The following CORO2A variants were observed in gnomAD, a reference collection of about 807,000 sequenced individuals.
CORO2A encodes the protein coronin 2A, also known as coronin-2A.
A neutral mutation model predicts 62.4 loss-of-function variants in CORO2A; 47 were observed. That is an observed-to-expected ratio of 0.75 (90% CI 0.60 to 0.96). The LOEUF (loss-of-function observed/expected upper bound fraction) is 0.96. CORO2A is among the 40% of genes least tolerant of loss of function. The pLI is 0.00. For missense variants in CORO2A, 610 were observed against 684.1 expected (o/e 0.89, Z 1.21); for synonymous variants, 273 against 268.9 (o/e 1.02, Z -0.15).
chr9:98,171,809 C>T (rs1828040196), intron 1 of CORO2A, among the ~76,000 whole-genome samples: 1 of 151,472 alleles, frequency 6.6e-6, no homozygotes, highest in Non-Finnish European at 1.5e-5. Flanking sequence ...ATGGGGCTGC[C>T]GCTGGGAGAG....
intron 1 of CORO2A, among the ~76,000 whole-genome samples, chr9:98,164,104 C>T (rs1041058086): frequency 1.3e-5 from 2 of 152,156 alleles, no homozygotes; most frequent in Non-Finnish European, 2.9e-5. Context: ...TGAGCTGCCA[C>T]CTGTAAGTGC....
At chr9:98,158,829 A>G (rs914971772) in intron 1 of CORO2A, among the ~76,000 whole-genome samples, 2 of 132,704 alleles carry the variant, frequency 1.5e-5, no homozygotes, top group African/African-American at 6.0e-5. Flanking sequence ...GAAATTAAAA[A>G]GAAGAAAACA....
At chr9:98,151,215 C>G (rs1402369068) in intron 2 of CORO2A, among the ~76,000 whole-genome samples, 1 of 152,128 alleles carries the variant, frequency 6.6e-6, no homozygotes, top group African/African-American at 2.4e-5. Context: ...ACAAAGGACT[C>G]TAATTCAAAG....
At chr9:98,173,627 A>T (rs1290099358) in intron 1 of CORO2A, among the ~76,000 whole-genome samples, 1 of 152,114 alleles carries the variant, frequency 6.6e-6, no homozygotes, top group Admixed American at 6.5e-5. Context: ...CCTCCTTCTC[A>T]TGGTGCTCCA....
At chr9:98,151,908 C>T (rs150771347) in intron 2 of CORO2A, among the ~76,000 whole-genome samples, 7 of 151,260 alleles carry the variant, frequency 4.6e-5, no homozygotes, top group African/African-American at 1.7e-4. Flanking sequence ...GCTCTGCCTC[C>T]CGGGTTCACG....
intron 1 of CORO2A, among the ~76,000 whole-genome samples, chr9:98,177,006 T>C (rs537451938): frequency 1.3e-5 from 2 of 152,268 alleles, no homozygotes; most frequent in East Asian, 3.9e-4. Context: ...TGGAAACTCG[T>C]TTGTGGAGGG....
In CORO2A at chr9:98,163,742, G is replaced by GTGT. The variant is rs60563416; in HGVS notation, c.1-6083_1-6082insACA. ...TGTGTGTGTGTGTATGTGTGTGTGT[G>GTGT]AGAGAGAGAGAGAGAGAGAGAGAGA... On this transcript the variant is annotated intron_variant, in intron 1 of 11. Transcript: ENST00000375077. 4.9e-3 allele frequency among the ~76,000 whole-genome samples: 414 copies of GTGT among 83,876 alleles called. 3 individuals carry two copies. The highest frequency in any genetic ancestry group is 0.014 in the African/African-American group (393 of 28,610). The allele number at this position is 83,876 out of a possible 152,430, so 55.0% of individuals were successfully genotyped here.
intron 7 of CORO2A, 27 bp downstream of exon 7, chr9:98,130,928 G>A: frequency 6.3e-7 from 1 of 1,591,106 alleles, no homozygotes; most frequent in South Asian, 1.1e-5. Flanking sequence ...GGTCCAGGAG[G>A]TCACCTCCCT....
At chr9:98,157,187 T>C (rs1490160410) in intron 2 of CORO2A, among the ~76,000 whole-genome samples, 1 of 152,162 alleles carries the variant, frequency 6.6e-6, no homozygotes, top group Non-Finnish European at 1.5e-5. Flanking sequence ...AAAAATTATA[T>C]TTTATTCAGG....
intron 10 of CORO2A, 182 bp from the exon 11 acceptor site, chr9:98,127,005 A>G: frequency 1.5e-6 from 1 of 657,602 alleles, no homozygotes; most frequent in Non-Finnish European, 2.6e-6. Flanking sequence ...AACAGATACA[A>G]ATACCCACGT....
At chr9:98,137,728 T>G (rs756377325) in intron 2 of CORO2A, 40 bp from the exon 3 acceptor site, 3 of 1,449,212 alleles carry the variant, frequency 2.1e-6, no homozygotes, top group Non-Finnish European at 1.9e-6. Flanking sequence ...AGGAGGTGGA[T>G]TCCACATTAG....
rs1386403720 is a variant in CORO2A at position 98,179,033 on chromosome 9, CGGTCCTTTTACTTTACT to C, written c.-1+13509_-1+13525del. On this transcript the variant is annotated intron_variant, in intron 1 of 11. Transcript: ENST00000375077. The stretch of plus-strand genomic sequence containing the variant: ...AAGTGGTCACAGTCTAGCTCTTTAC[CGGTCCTTTTACTTTACT>C]GGTCCTTTTACTTTACTGTGCCTCT... Among the ~76,000 whole-genome samples the C allele has an allele frequency of 8.5e-5, 13 of 152,182 alleles. No homozygotes were observed. The East Asian group carries it at 1.2e-3, about 14-fold the overall frequency.
chr9:98,157,261 A>C (rs1827817254), intron 2 of CORO2A, 199 bp downstream of exon 2: 2 of 554,642 alleles, frequency 3.6e-6, no homozygotes, highest in Non-Finnish European at 6.4e-6. Context: ...AGCTAAGCCA[A>C]CTGCTAGAGG....
intron 1 of CORO2A, among the ~76,000 whole-genome samples, chr9:98,164,960 T>G (rs1827939172): frequency 6.6e-6 from 1 of 151,654 alleles, no homozygotes. Flanking sequence ...ACCACCAGGG[T>G]CTAGGTGTAA....
At chr9:98,191,666 GTCT>G (rs1828307148) in intron 1 of CORO2A, among the ~76,000 whole-genome samples, 2 of 152,152 alleles carry the variant, frequency 1.3e-5, no homozygotes, top group Non-Finnish European at 2.9e-5. Flanking sequence ...GATGCCATAG[GTCT>G]TCTTTACCTA....
chr9:98,154,459 A>G (rs1376779461), intron 2 of CORO2A, among the ~76,000 whole-genome samples: 1 of 151,440 alleles, frequency 6.6e-6, no homozygotes, highest in African/African-American at 2.4e-5. Flanking sequence ...TTACTGGAAA[A>G]TAAATTACCC....
At chr9:98,146,897 G>A (rs142059842) in intron 2 of CORO2A, among the ~76,000 whole-genome samples, 41 of 152,276 alleles carry the variant, frequency 2.7e-4, no homozygotes, top group African/African-American at 9.4e-4. Context: ...ATAATAAAGA[G>A]CCTCTAAGGC....
intron 5 of CORO2A, 72 bp downstream of exon 5, chr9:98,132,966 T>C: frequency 6.5e-7 from 1 of 1,549,326 alleles, no homozygotes; most frequent in African/African-American, 1.4e-5. Context: ...TCCTGTTCTC[T>C]GAAGCCTCTC....
intron 1 of CORO2A, among the ~76,000 whole-genome samples, chr9:98,189,519 G>C (rs1458617352): frequency 2.0e-5 from 3 of 152,206 alleles, no homozygotes; most frequent in African/African-American, 4.8e-5. Flanking sequence ...TTCATTTAAT[G>C]AATCTCCTTC....
Sources: allele counts gnomAD v4.1 joint callset (sites outside exome capture counted in the v4.1 genomes callset), GRCh38; gene constraint gnomAD v4.1.1; transcripts MANE v1.5; gene names NCBI Gene and HGNC (gene_info 2026-07-23, HGNC 2026-07-21).